Variants in PLCB1 observed in about 807,000 individuals in gnomAD.
PLCB1 encodes phospholipase C beta 1.
A neutral mutation model predicts 161.8 loss-of-function variants in PLCB1; 46 were observed. The ratio of observed to expected loss-of-function variants is 0.28; its 90% confidence interval spans 0.22 to 0.36. The LOEUF is 0.36. Ranked by LOEUF, PLCB1 falls within the 10% of genes least tolerant of loss-of-function variation. The probability of loss-of-function intolerance (pLI) is 1.00; values close to 1 mark genes in which losing one functional copy is unlikely to be tolerated. For missense variants in PLCB1, 1,016 were observed against 1,472.5 expected (o/e 0.69, Z 5.07); for synonymous variants, 517 against 503.7 (o/e 1.03, Z -0.35).
rs1983662058 is a variant in PLCB1 at position 8,297,034 on chromosome 20, GTA to G, written c.178-74339_178-74338del. Among the ~76,000 whole-genome samples the G allele has an allele frequency of 2.6e-5, 4 of 151,676 alleles. No homozygotes were observed. In the South Asian group the frequency reaches 8.3e-4, roughly 32 times the overall value. ...TGAGTACATATAGTTGTGTGTATAT[GTA>G]TATATATACACACACATGCAAACAC... On this transcript the variant is annotated intron_variant, in intron 2 of 31. Transcript: ENST00000338037.
At chr20:8,543,300 A>C (rs1464693411) in intron 3 of PLCB1, among the ~76,000 whole-genome samples, 1 of 152,148 alleles carries the variant, frequency 6.6e-6, no homozygotes. Context: ...TCTGTGGGTT[A>C]TTTGAAGGAC....
chr20:8,872,363 A>G (rs1343234585), intron 31 of PLCB1, among the ~76,000 whole-genome samples: 1 of 152,128 alleles, frequency 6.6e-6, no homozygotes, highest in East Asian at 1.9e-4. Flanking sequence ...TTCAACTTTG[A>G]CCTAGAAATA....
chr20:8,418,664 A>G (rs952746547), intron 3 of PLCB1, among the ~76,000 whole-genome samples: 2 of 152,028 alleles, frequency 1.3e-5, no homozygotes, highest in African/African-American at 4.8e-5. Context: ...TTATATTGTA[A>G]TAAAAAATCA....
chr20:8,760,465 A>T lies in PLCB1; in HGVS notation c.2710+5A>T. ...TTATTCAGAGTGTCTTAACAGGTAA[A>T]TGCCACCCTTTCCCCCCATGGAATT... On this transcript the variant is annotated splice_donor_5th_base_variant and intron_variant, in intron 25 of 31. Coordinates refer to ENST00000338037, the MANE Select transcript of PLCB1 (RefSeq NM_015192.4). The T allele has an allele frequency of 1.2e-6, 2 of 1,606,444 alleles. No individual in the cohort carries two copies. Among genetic ancestry groups the T allele is most frequent in the Non-Finnish European group, 1.7e-6 (2 of 1,173,350 alleles).
At chr20:8,397,092 C>G (rs1043001549) in intron 3 of PLCB1, among the ~76,000 whole-genome samples, 1 of 152,034 alleles carries the variant, frequency 6.6e-6, no homozygotes, top group African/African-American at 2.4e-5. Context: ...CTCATTTCCT[C>G]TTCTTTCATG....
chr20:8,484,191 A>G (rs1982623702), intron 3 of PLCB1, among the ~76,000 whole-genome samples: 1 of 151,048 alleles, frequency 6.6e-6, no homozygotes. Context: ...ATGCCCAGCT[A>G]ATTTTGTATT....
intron 25 of PLCB1, among the ~76,000 whole-genome samples, chr20:8,763,775 T>C (rs1982166691): frequency 6.6e-6 from 1 of 152,198 alleles, no homozygotes; most frequent in Admixed American, 6.5e-5. Flanking sequence ...TGCCTCGGCC[T>C]CCCAAAGTGC....
At chr20:8,529,679 G>A (rs976713676) in intron 3 of PLCB1, among the ~76,000 whole-genome samples, 1 of 151,996 alleles carries the variant, frequency 6.6e-6, no homozygotes, top group Admixed American at 6.6e-5. Context: ...TTCAGAAGGA[G>A]GAAATAAGCT....
intron 26 of PLCB1, 102 bp from the exon 27 acceptor site, chr20:8,774,437 T>C: frequency 8.3e-7 from 1 of 1,199,334 alleles, no homozygotes; most frequent in South Asian, 1.7e-5. Context: ...AATATGTATT[T>C]CCAAACAGAG....
At chr20:8,814,921 G>A (rs1327754884) in intron 31 of PLCB1, among the ~76,000 whole-genome samples, 3 of 152,002 alleles carry the variant, frequency 2.0e-5, no homozygotes, top group Non-Finnish European at 4.4e-5. Flanking sequence ...CAGAAATCTA[G>A]TCTCCCGTCT....
At chr20:8,592,351 T>C (rs1453229640) in intron 3 of PLCB1, among the ~76,000 whole-genome samples, 1 of 152,264 alleles carries the variant, frequency 6.6e-6, no homozygotes, top group Non-Finnish European at 1.5e-5. Flanking sequence ...TTATCACTAT[T>C]ACCCATAGAG....
At chr20:8,620,949 C>G (rs1238916056) in intron 3 of PLCB1, among the ~76,000 whole-genome samples, 1 of 151,866 alleles carries the variant, frequency 6.6e-6, no homozygotes, top group Non-Finnish European at 1.5e-5. Flanking sequence ...TTTAGAAGCC[C>G]CTTTGACACA....
At chr20:8,446,536 A>C (rs1279254878) in intron 3 of PLCB1, among the ~76,000 whole-genome samples, 2 of 152,194 alleles carry the variant, frequency 1.3e-5, no homozygotes, top group Non-Finnish European at 2.9e-5. Flanking sequence ...CCTATTCAAC[A>C]TAGTGTTGGA....
chr20:8,843,948 T>C (rs1409828768), intron 31 of PLCB1, among the ~76,000 whole-genome samples: 1 of 152,228 alleles, frequency 6.6e-6, no homozygotes, highest in Non-Finnish European at 1.5e-5. Flanking sequence ...ATTACACTCC[T>C]TTTATTCATT....
intron 3 of PLCB1, among the ~76,000 whole-genome samples, chr20:8,467,231 A>G (rs6118202): frequency 0.15 from 23,294 of 152,152 alleles, 2,120 homozygotes; most frequent in African/African-American, 0.25. Context: ...ATGAGCCACC[A>G]TGCCTGTCCA....
chr20:8,505,111 G>A (rs1983583674), intron 3 of PLCB1, among the ~76,000 whole-genome samples: 1 of 152,042 alleles, frequency 6.6e-6, no homozygotes. Flanking sequence ...TCCTCCTGGA[G>A]GCCTTGATAT....
chr20:8,316,495 A>G (rs1335269011), intron 2 of PLCB1, among the ~76,000 whole-genome samples: 2 of 152,152 alleles, frequency 1.3e-5, no homozygotes, highest in Non-Finnish European at 2.9e-5. Context: ...ACGCCAATTC[A>G]GGACAGTTCT....
At chr20:8,627,948 G>A (rs939136300) in intron 3 of PLCB1, among the ~76,000 whole-genome samples, 2 of 152,148 alleles carry the variant, frequency 1.3e-5, no homozygotes, top group Non-Finnish European at 1.5e-5. Flanking sequence ...GTGCATTCAG[G>A]AATTAAGGAG....
At chr20:8,777,969 A>G (rs949868392) in intron 27 of PLCB1, among the ~76,000 whole-genome samples, 1 of 152,222 alleles carries the variant, frequency 6.6e-6, no homozygotes, top group South Asian at 2.1e-4. Flanking sequence ...ACTCACTATC[A>G]TGAGAACAGC....
Sources: allele counts gnomAD v4.1 joint callset (sites outside exome capture counted in the v4.1 genomes callset), GRCh38; gene constraint gnomAD v4.1.1; transcripts MANE v1.5; gene names NCBI Gene and HGNC (gene_info 2026-07-23, HGNC 2026-07-21).